The following DUSP16 variants were observed in gnomAD, a reference collection of about 807,000 sequenced individuals.
DUSP16 encodes dual specificity protein phosphatase 16.
In DUSP16, 21 loss-of-function variants were observed where a neutral mutation model predicts 58.3. The ratio of observed to expected loss-of-function variants is 0.36; its 90% confidence interval spans 0.26 to 0.52. The LOEUF (loss-of-function observed/expected upper bound fraction) is 0.52, where lower values mean the gene tolerates loss of function less well. Ranked by LOEUF, DUSP16 falls within the 20% of genes least tolerant of loss-of-function variation. DUSP16 has a pLI of 0.94. For synonymous variants in DUSP16, 320 were observed against 323.8 expected (o/e 0.99, Z 0.12); for missense variants, 726 against 819.0 (o/e 0.89, Z 1.39).
At position 12,476,566 on chromosome 12, in the gene DUSP16, T is replaced by TA. The variant is rs1268083166; in HGVS notation, c.*266dup. The TA allele has an allele frequency of 2.9e-6, 1 of 339,116 alleles. No individual in the cohort carries two copies. The highest frequency in any genetic ancestry group is 2.1e-5 in the African/African-American group (1 of 46,766). The allele number at this position is 339,116 out of a possible 1,614,324, so 21.0% of individuals were successfully genotyped here. ...GCTTTTTTAAGAACAAGAGGATGTGTAATTCACTGAATAAAATGGTTTTCC... is the reference window on the plus strand; with the variant it reads ...GCTTTTTTAAGAACAAGAGGATGTGTAAATTCACTGAATAAAATGGTTTTCC... On this transcript the variant is annotated 3_prime_UTR_variant, in exon 7 of 7. Transcript: ENST00000298573.
chr12:12,510,471 GTA>G (rs1944061520), intron 3 of DUSP16, among the ~76,000 whole-genome samples: 1 of 152,294 alleles, frequency 6.6e-6, no homozygotes, highest in Non-Finnish European at 1.5e-5. Flanking sequence ...GACCACTTCT[GTA>G]TATTCCACTC....
chr12:12,504,843 C>T (rs758531860), intron 3 of DUSP16, among the ~76,000 whole-genome samples: 12 of 152,162 alleles, frequency 7.9e-5, no homozygotes, highest in Middle Eastern at 3.4e-3. Flanking sequence ...CACCACTGCA[C>T]TCCAGCCTGG....
intron 1 of DUSP16, among the ~76,000 whole-genome samples, chr12:12,536,361 G>A (rs1348872614): frequency 6.6e-6 from 1 of 152,196 alleles, no homozygotes; most frequent in Non-Finnish European, 1.5e-5. Flanking sequence ...CTTCACATAA[G>A]CTAATGTAAA....
chr12:12,559,790 A>G (rs1944867694), intron 1 of DUSP16, among the ~76,000 whole-genome samples: 1 of 152,178 alleles, frequency 6.6e-6, no homozygotes, highest in African/African-American at 2.4e-5. Context: ...AAAACACACT[A>G]ACACATAAAT....
At chr12:12,556,218 C>T (rs1944803731) in intron 1 of DUSP16, among the ~76,000 whole-genome samples, 1 of 152,098 alleles carries the variant, frequency 6.6e-6, no homozygotes, top group Non-Finnish European at 1.5e-5. Flanking sequence ...TCTATAGACA[C>T]ACTTAATATC....
chr12:12,559,035 C>T (rs1173286501), intron 1 of DUSP16, among the ~76,000 whole-genome samples: 1 of 152,114 alleles, frequency 6.6e-6, no homozygotes, highest in African/African-American at 2.4e-5. Context: ...AAGCCTGAGC[C>T]TGCTTCTTTA....
At position 12,505,516 on chromosome 12, in the gene DUSP16, A is replaced by G. The variant is rs190335030; in HGVS notation, c.368-4834T>C. On this transcript the variant is annotated intron_variant, in intron 3 of 6. Transcript: ENST00000298573. ...TGTAAATATGGTCACTGGTTTGTTC[A>G]TGACCACCATTTACAAGTTGGTAGT... Among the ~76,000 whole-genome samples, 74 of 152,370 alleles carry G rather than the reference A, an allele frequency of 4.9e-4. 1 individual carries two copies. The highest frequency in any genetic ancestry group is 1.8e-3 in the African/African-American group (73 of 41,592).
chr12:12,489,454 G>GT (rs1483030304), intron 4 of DUSP16, among the ~76,000 whole-genome samples: 1 of 152,184 alleles, frequency 6.6e-6, no homozygotes, highest in African/African-American at 2.4e-5. Context: ...GGTCACTGGA[G>GT]TTAAATCAGC....
intron 1 of DUSP16, among the ~76,000 whole-genome samples, chr12:12,536,100 A>G (rs1299901706): frequency 6.6e-6 from 1 of 152,238 alleles, no homozygotes; most frequent in Non-Finnish European, 1.5e-5. Flanking sequence ...CTGACTGACT[A>G]GTCTCCTTAC....
chr12:12,557,976 A>G (rs1944834299), intron 1 of DUSP16, among the ~76,000 whole-genome samples: 2 of 152,178 alleles, frequency 1.3e-5, no homozygotes, highest in Non-Finnish European at 2.9e-5. Flanking sequence ...GTCAAATTCT[A>G]TTATCTCTAT....
At position 12,521,091 on chromosome 12, in the gene DUSP16, T is replaced by G. The variant is rs762894388; in HGVS notation, c.8A>C (p.His3Pro). Residue 3 changes from histidine to proline, a missense_variant, in exon 2 of 7, where the codon CAT becomes CCT. His to Pro is a moderately conservative substitution (Grantham distance 77). Coordinates refer to ENST00000298573, the MANE Select transcript of DUSP16 (RefSeq NM_030640.3). ...AACAATTTGAGTTCCAATCATCTCA[T>G]GGGCCATGACAACAATAAGTCCTCT... MA[H>P]EMIGTQIVTE... is the part of the protein sequence containing the mutation. 1.5e-5 allele frequency: 25 copies of G among 1,614,026 alleles called. No individual in the cohort carries two copies. In the Admixed American group the frequency reaches 3.8e-4, roughly 25 times the overall value.
chr12:12,513,215 T>C (rs1944103102), intron 3 of DUSP16, among the ~76,000 whole-genome samples: 1 of 152,240 alleles, frequency 6.6e-6, no homozygotes, highest in South Asian at 2.1e-4. Context: ...TGGTATCTTC[T>C]ATCCTTATTC....
intron 1 of DUSP16, among the ~76,000 whole-genome samples, chr12:12,556,225 T>TA (rs1944803938): frequency 6.6e-6 from 1 of 152,126 alleles, no homozygotes; most frequent in South Asian, 2.1e-4. Flanking sequence ...ACACACTTAA[T>TA]ATCAACACTT....
chr12:12,507,645 T>C (rs1944015901), intron 3 of DUSP16, among the ~76,000 whole-genome samples: 1 of 152,256 alleles, frequency 6.6e-6, no homozygotes, highest in African/African-American at 2.4e-5. Context: ...GTTTCACTCT[T>C]GTTGCCCAGG....
chr12:12,491,500 T>G (rs1028085871), intron 4 of DUSP16: 1 of 152,234 alleles, frequency 6.6e-6, no homozygotes, highest in Non-Finnish European at 1.5e-5. Flanking sequence ...TATAATTCAT[T>G]CAGTTTAGTT....
intron 1 of DUSP16, among the ~76,000 whole-genome samples, chr12:12,549,870 G>A (rs1379208747): frequency 5.3e-5 from 8 of 151,684 alleles, no homozygotes; most frequent in East Asian, 3.9e-4. Context: ...TATCCAACAC[G>A]CTCTGATGTT....
intron 4 of DUSP16, among the ~76,000 whole-genome samples, chr12:12,492,723 A>G (rs1360930071): frequency 6.6e-6 from 1 of 151,946 alleles, no homozygotes; most frequent in Admixed American, 6.6e-5. Flanking sequence ...AACCCACTCC[A>G]TTCAGGCTTT....
chr12:12,517,426 A>G (rs528280547), intron 3 of DUSP16, among the ~76,000 whole-genome samples: 20 of 152,238 alleles, frequency 1.3e-4, no homozygotes, highest in South Asian at 4.1e-4. Flanking sequence ...TCCCCAACCA[A>G]AATATTTAAG....
intron 1 of DUSP16, among the ~76,000 whole-genome samples, chr12:12,540,833 A>G (rs1944541644): frequency 6.6e-6 from 1 of 152,018 alleles, no homozygotes; most frequent in Non-Finnish European, 1.5e-5. Flanking sequence ...TTCTGGAGGC[A>G]ACTTCCTGTC....
Sources: allele counts gnomAD v4.1 joint callset (sites outside exome capture counted in the v4.1 genomes callset), GRCh38; gene constraint gnomAD v4.1.1; transcripts MANE v1.5; gene names NCBI Gene and HGNC (gene_info 2026-07-23, HGNC 2026-07-21).